The following CNTNAP4 variants were observed in gnomAD, a reference collection of about 807,000 sequenced individuals.
The protein encoded by CNTNAP4 is contactin-associated protein-like 4.
CNTNAP4 carries 98 observed loss-of-function variants against 148.4 expected under a neutral mutation model. That is an observed-to-expected ratio of 0.66 (90% CI 0.56 to 0.78). The LOEUF is 0.78. Among genes scored for constraint, CNTNAP4 ranks in the 30% least tolerant of loss-of-function variants. The pLI is 0.00. For synonymous variants in CNTNAP4, 730 were observed against 565.1 expected (o/e 1.29, Z -4.14); for missense variants, 1,935 against 1,565.6 (o/e 1.24, Z -3.98).
At chr16:76,403,387 C>A (rs1271218696) in intron 3 of CNTNAP4, among the ~76,000 whole-genome samples, 1 of 152,090 alleles carries the variant, frequency 6.6e-6, no homozygotes, top group Non-Finnish European at 1.5e-5. Context: ...GCCACTGCGC[C>A]CAGCCGTGAA....
chr16:76,542,735 A>ATT (rs1401098853), intron 21 of CNTNAP4, among the ~76,000 whole-genome samples: 1 of 152,214 alleles, frequency 6.6e-6, no homozygotes, highest in Non-Finnish European at 1.5e-5. Context: ...AACTATTGTT[A>ATT]TTTACAGAAT....
intron 4 of CNTNAP4, among the ~76,000 whole-genome samples, chr16:76,447,368 A>ATT (rs397755621): frequency 6.7e-6 from 1 of 149,818 alleles, no homozygotes; most frequent in Non-Finnish European, 1.5e-5. Flanking sequence ...ATATATATAT[A>ATT]TGAGAAATTT....
intron 2 of CNTNAP4, among the ~76,000 whole-genome samples, chr16:76,341,735 A>G (rs1007751432): frequency 7.2e-5 from 11 of 152,216 alleles, no homozygotes; most frequent in Non-Finnish European, 1.3e-4. Flanking sequence ...AGTCTTCAGC[A>G]TCCAAAAAAA....
intron 17 of CNTNAP4, among the ~76,000 whole-genome samples, chr16:76,529,242 T>A (rs533890938): frequency 6.6e-6 from 1 of 152,282 alleles, no homozygotes; most frequent in South Asian, 2.1e-4. Flanking sequence ...TTTCACTTTG[T>A]CCTTTGTGTG....
intron 3 of CNTNAP4, among the ~76,000 whole-genome samples, chr16:76,427,008 A>G (rs1363461391): frequency 6.6e-6 from 1 of 152,188 alleles, no homozygotes; most frequent in African/African-American, 2.4e-5. Context: ...AAGTGAAAGA[A>G]CCAAAAGACA....
intron 9 of CNTNAP4, among the ~76,000 whole-genome samples, chr16:76,466,960 C>G (rs1597636497): frequency 6.6e-6 from 1 of 151,986 alleles, no homozygotes; most frequent in Non-Finnish European, 1.5e-5. Context: ...TTTTCTTATA[C>G]ATAGTACATG....
intron 3 of CNTNAP4, among the ~76,000 whole-genome samples, chr16:76,418,634 C>T (rs1506828): frequency 0.37 from 55,327 of 151,432 alleles, 11,319 homozygotes; most frequent in Non-Finnish European, 0.44. Flanking sequence ...CTTAGCATAT[C>T]AATCATAGTT....
intron 15 of CNTNAP4, among the ~76,000 whole-genome samples, chr16:76,502,428 A>G (rs1204943635): frequency 1.3e-5 from 2 of 151,354 alleles, no homozygotes; most frequent in Non-Finnish European, 2.9e-5. Flanking sequence ...TAGGACTAAC[A>G]GATAGAGGAT....
At chr16:76,383,896 G>T (rs1422327846) in intron 3 of CNTNAP4, among the ~76,000 whole-genome samples, 1 of 152,094 alleles carries the variant, frequency 6.6e-6, no homozygotes, top group African/African-American at 2.4e-5. Flanking sequence ...TTTAAATTCT[G>T]TTCTCTCTAC....
chr16:76,448,873 A>G lies in CNTNAP4; in HGVS notation c.849A>G (p.Gln283=), dbSNP rs1377545597. 6.2e-7 allele frequency: 1 copy of G among 1,613,640 alleles called. No homozygotes were observed. Among genetic ancestry groups the G allele is most frequent in the Non-Finnish European group, 8.5e-7 (1 of 1,179,830 alleles). The change falls in exon 6 of 24, where the codon CAA becomes CAG. Residue 283 remains glutamine (Q), a synonymous_variant. Transcript: ENST00000611870. The stretch of plus-strand genomic sequence containing the variant: ...TGCTCATCCAGCGTTTGGGCAAACA[A>G]GTCAACTTCACAGTGGACGAACACA... ...HSVLIQRLGK[Q]VNFTVDEHRH... is the part of the protein sequence containing the mutation.
chr16:76,452,739 C>A lies in CNTNAP4; in HGVS notation c.1303C>A (p.Pro435Thr). 3 of 1,600,460 alleles carry A rather than the reference C, an allele frequency of 1.9e-6. No individual in the cohort carries two copies. The highest frequency in any genetic ancestry group is 2.6e-6 in the Non-Finnish European group (3 of 1,172,614). ...AAAACTTAAGTCGAATCTCTACCAGCCAGGAAAATTACCCAGTGACATCAC... is the reference window on the plus strand; with the variant it reads ...AAAACTTAAGTCGAATCTCTACCAGACAGGAAAATTACCCAGTGACATCAC... ...DGKLKSNLYQ[P>T]GKLPSDITAG... The change falls in exon 8 of 24, where the codon CCA (proline) becomes ACA (threonine). Residue 435 changes from proline to threonine, a missense_variant. Pro to Thr is a conservative substitution (Grantham distance 38). Coordinates refer to ENST00000611870, the MANE Select transcript of CNTNAP4 (RefSeq NM_033401.5).
At chr16:76,414,967 T>TTC (rs762432722) in intron 3 of CNTNAP4, among the ~76,000 whole-genome samples, 1 of 151,000 alleles carries the variant, frequency 6.6e-6, no homozygotes, top group Non-Finnish European at 1.5e-5. Flanking sequence ...GTGTTTTTTT[T>TTC]CCCTAATTTT....
At chr16:76,502,195 G>C (rs1220587302) in intron 15 of CNTNAP4, among the ~76,000 whole-genome samples, 1 of 152,136 alleles carries the variant, frequency 6.6e-6, no homozygotes, top group East Asian at 1.9e-4. Context: ...TTTTAGCGTT[G>C]AGGTTCATCG....
At chr16:76,337,316 CT>C (rs1964104670) in intron 2 of CNTNAP4, among the ~76,000 whole-genome samples, 1 of 152,056 alleles carries the variant, frequency 6.6e-6, no homozygotes, top group Admixed American at 6.5e-5. Flanking sequence ...TCTATTTTCC[CT>C]AAATGTCAGC....
chr16:76,549,032 A>T (rs1221259984), intron 21 of CNTNAP4, among the ~76,000 whole-genome samples: 1 of 152,036 alleles, frequency 6.6e-6, no homozygotes, highest in African/African-American at 2.4e-5. Flanking sequence ...TACCCCACCG[A>T]CGCTTCTGAA....
At chr16:76,433,382 A>G (rs2079686690) in intron 4 of CNTNAP4, among the ~76,000 whole-genome samples, 1 of 152,204 alleles carries the variant, frequency 6.6e-6, no homozygotes. Flanking sequence ...ACAGTTGAAG[A>G]GAAAATTATG....
At chr16:76,309,802 G>C (rs1960894329) in intron 1 of CNTNAP4, 6 of 699,036 alleles carry the variant, frequency 8.6e-6, no homozygotes, top group Non-Finnish European at 1.6e-5. Context: ...TAGTGAGTAA[G>C]TGTCATGAGA....
intron 22 of CNTNAP4, 43 bp downstream of exon 22, chr16:76,553,544 G>C (rs1271516941): frequency 2.1e-6 from 3 of 1,404,834 alleles, no homozygotes. Context: ...GACGTAGCTT[G>C]TCCATGGAAT....
intron 2 of CNTNAP4, among the ~76,000 whole-genome samples, chr16:76,320,782 G>C (rs1179083920): frequency 6.6e-6 from 1 of 152,136 alleles, no homozygotes; most frequent in Non-Finnish European, 1.5e-5. Context: ...GTTATAATCT[G>C]AACGTAAGTC....
Sources: gnomAD v4.1 joint callset for allele counts (sites outside exome capture counted in the v4.1 genomes callset) on GRCh38, gnomAD v4.1.1 for gene constraint, MANE v1.5 for transcripts, NCBI Gene and HGNC (gene_info 2026-07-23, HGNC 2026-07-21) for gene names.